Variants in LRBA observed in about 807,000 individuals in gnomAD.
The protein encoded by LRBA is lipopolysaccharide-responsive and beige-like anchor protein.
A neutral mutation model predicts 330.0 loss-of-function variants in LRBA; 176 were observed. The observed-to-expected ratio is 0.53, with a 90% confidence interval of 0.47 to 0.60. The LOEUF is 0.60. Among genes scored for constraint, LRBA ranks in the 20% least tolerant of loss-of-function variants. LRBA has a pLI of 0.00. For missense variants in LRBA, 3,259 were observed against 3,444.8 expected (o/e 0.95, Z 1.35); for synonymous variants, 1,230 against 1,193.0 (o/e 1.03, Z -0.64).
chr4:150,655,003 T>C lies in LRBA; in HGVS notation c.5921+28548A>G, dbSNP rs1374259886. ...ATTGTGAATAGTGCCGCAATAAACA[T>C]ACGTGTGCATGTGTCTTTATAGCAG... is the stretch of plus-strand genomic sequence containing the variant. On this transcript the variant is annotated intron_variant, in intron 37 of 56. Coordinates refer to ENST00000651943, the MANE Select transcript of LRBA (RefSeq NM_001364905.1). Among the ~76,000 whole-genome samples the C allele has an allele frequency of 3.3e-5, 5 of 152,288 alleles. No individual in the cohort carries two copies. The East Asian group carries it at 7.7e-4, about 24-fold the overall frequency.
At chr4:150,824,088 G>A (rs1384574923) in intron 30 of LRBA, among the ~76,000 whole-genome samples, 4 of 151,892 alleles carry the variant, frequency 2.6e-5, no homozygotes, top group African/African-American at 9.7e-5. Flanking sequence ...CATTTTGGGG[G>A]TCCTTTTTAG....
At chr4:150,849,735 G>A (rs539390229) in intron 24 of LRBA, among the ~76,000 whole-genome samples, 160 bp from the exon 25 acceptor site, 1 of 152,216 alleles carries the variant, frequency 6.6e-6, no homozygotes, top group South Asian at 2.1e-4. Flanking sequence ...TTCTTCAGAA[G>A]AAACAGACCA....
intron 41 of LRBA, among the ~76,000 whole-genome samples, chr4:150,489,287 A>T (rs192054872): frequency 3.5e-5 from 2 of 57,166 alleles, no homozygotes; most frequent in Admixed American, 3.2e-4. Flanking sequence ...ATTATATATA[A>T]GAATATATAA....
chr4:150,285,232 GT>G (rs1273539217), intron 54 of LRBA, among the ~76,000 whole-genome samples: 1 of 152,198 alleles, frequency 6.6e-6, no homozygotes, highest in Admixed American at 6.5e-5. Context: ...ACTTTGTTGT[GT>G]GTTCAGACTT....
At position 150,921,297 on chromosome 4, in the gene LRBA, T is replaced by A; in HGVS notation, c.550-4A>T. On this transcript the variant is annotated splice_polypyrimidine_tract_variant and splice_region_variant and intron_variant, in intron 4 of 56. Coordinates refer to ENST00000651943, the MANE Select transcript of LRBA (RefSeq NM_001364905.1). ...GCAACTTCCCAGCATGTGGAGGCTA[T>A]GAAGATAATTAACAATTCATTAACC... The A allele has an allele frequency of 6.4e-7, 1 of 1,564,222 alleles. No individual in the cohort carries two copies. Among genetic ancestry groups the A allele is most frequent in the Non-Finnish European group, 8.8e-7 (1 of 1,135,006 alleles).
At position 150,863,084 on chromosome 4, in the gene LRBA, T is replaced by C. The variant is rs531668351; in HGVS notation, c.2766+4587A>G. On this transcript the variant is annotated intron_variant, in intron 22 of 56. Transcript: ENST00000651943. ...AGGCCCAGGCGGGGGGCCACTTGAG[T>C]CCAGGAGTTGAAGACCAGCCTGAGC... Among the ~76,000 whole-genome samples, 6 of 151,710 alleles carry C rather than the reference T, an allele frequency of 4.0e-5. No individual in the cohort carries two copies. In the South Asian group the frequency reaches 1.3e-3, roughly 32 times the overall value.
intron 47 of LRBA, among the ~76,000 whole-genome samples, chr4:150,411,811 A>T (rs1176329585): frequency 6.6e-6 from 1 of 152,252 alleles, no homozygotes; most frequent in African/African-American, 2.4e-5. Context: ...CACCACAAAA[A>T]GGTCACAGAT....
intron 36 of LRBA, among the ~76,000 whole-genome samples, chr4:150,722,295 C>T (rs1411138291): frequency 1.3e-5 from 2 of 152,098 alleles, no homozygotes; most frequent in Non-Finnish European, 2.9e-5. Flanking sequence ...AAGTTTACAA[C>T]ACATATAAGC....
chr4:150,970,832 T>C, intron 2 of LRBA: 1 of 145,664 alleles, frequency 6.9e-6, no homozygotes, highest in East Asian at 1.9e-4. Context: ...GACTGTAAGC[T>C]TCTGAGAAGG....
At chr4:150,814,083 A>G (rs1184800879) in intron 31 of LRBA, among the ~76,000 whole-genome samples, 1 of 152,066 alleles carries the variant, frequency 6.6e-6, no homozygotes. Flanking sequence ...TGAAAAATAG[A>G]ATGGTCATAC....
chr4:150,660,952 G>A (rs1370773433), intron 37 of LRBA, among the ~76,000 whole-genome samples: 1 of 118,258 alleles, frequency 8.5e-6, no homozygotes, highest in Non-Finnish European at 1.7e-5. Flanking sequence ...AGGGTCCTCT[G>A]CCTAGGAAAA....
intron 31 of LRBA, among the ~76,000 whole-genome samples, chr4:150,816,172 T>G (rs1399384065): frequency 6.6e-6 from 1 of 151,970 alleles, no homozygotes; most frequent in Non-Finnish European, 1.5e-5. Context: ...AGGCAAACCC[T>G]GGCCTGAGAT....
intron 34 of LRBA, among the ~76,000 whole-genome samples, chr4:150,767,526 A>G (rs11726025): frequency 0.87 from 132,681 of 151,886 alleles, 58,509 homozygotes; most frequent in Non-Finnish European, 0.95. Flanking sequence ...TTGGGGGGCC[A>G]AGGCAGGCAG....
chr4:150,611,846 C>T (rs1775297277), intron 37 of LRBA, among the ~76,000 whole-genome samples: 1 of 152,210 alleles, frequency 6.6e-6, no homozygotes, highest in Non-Finnish European at 1.5e-5. Flanking sequence ...GAAGCAATCT[C>T]ATATCCAAGA....
chr4:150,983,599 C>T (rs1266077818), intron 2 of LRBA, among the ~76,000 whole-genome samples: 1 of 151,378 alleles, frequency 6.6e-6, no homozygotes, highest in African/African-American at 2.4e-5. Flanking sequence ...ATTACAGGTG[C>T]CCGCCACCAT....
intron 33 of LRBA, among the ~76,000 whole-genome samples, chr4:150,802,400 G>C (rs949702639): frequency 1.3e-5 from 2 of 150,696 alleles, no homozygotes. Flanking sequence ...TAGCTGATGT[G>C]TAATAGTGAA....
intron 47 of LRBA, among the ~76,000 whole-genome samples, chr4:150,378,781 T>C (rs1002489075): frequency 6.6e-6 from 1 of 152,140 alleles, no homozygotes; most frequent in Non-Finnish European, 1.5e-5. Context: ...CACAAACAAA[T>C]GTCTTCAAAT....
chr4:150,907,513 T>A (rs993695455), intron 11 of LRBA, among the ~76,000 whole-genome samples: 3 of 152,116 alleles, frequency 2.0e-5, no homozygotes, highest in Non-Finnish European at 4.4e-5. Context: ...TTTTTATTTT[T>A]AAAAAAATTG....
intron 32 of LRBA, among the ~76,000 whole-genome samples, chr4:150,807,709 G>A (rs1037131403): frequency 2.6e-5 from 4 of 151,878 alleles, no homozygotes; most frequent in Admixed American, 6.6e-5. Context: ...GCAGTGGTGC[G>A]ATCTCGGCTC....
Sources: gnomAD v4.1 joint callset for allele counts (sites outside exome capture counted in the v4.1 genomes callset) on GRCh38, gnomAD v4.1.1 for gene constraint, MANE v1.5 for transcripts, NCBI Gene and HGNC (gene_info 2026-07-23, HGNC 2026-07-21) for gene names.